NAALADL2: variants seen among roughly 807,000 people sequenced by gnomAD.
NAALADL2 encodes inactive N-acetylated-alpha-linked acidic dipeptidase-like protein 2.
Under a neutral mutation model 87.2 loss-of-function variants are expected in NAALADL2, and 76 were observed. The observed-to-expected ratio is 0.87, with a 90% CI of 0.72 to 1.05. NAALADL2 has a LOEUF of 1.05. NAALADL2 is among the 50% of genes least tolerant of loss of function. The probability of loss-of-function intolerance (pLI) is 0.00; values close to 1 mark genes in which losing one functional copy is unlikely to be tolerated. For missense variants in NAALADL2, 1,089 were observed against 945.8 expected, an observed-to-expected ratio of 1.15 and a Z score of -1.99; for synonymous variants, 354 against 331.0, an observed-to-expected ratio of 1.07 and a Z score of -0.75.
chr3:175,732,041 G>A (rs1266187252), intron 11 of NAALADL2, among the ~76,000 whole-genome samples: 4 of 152,068 alleles, frequency 2.6e-5, no homozygotes, highest in Admixed American at 2.0e-4. Flanking sequence ...GATGAAGTGA[G>A]GTGGAATTGA....
At chr3:175,310,133 A>G (rs1758179102) in intron 4 of NAALADL2, among the ~76,000 whole-genome samples, 1 of 152,204 alleles carries the variant, frequency 6.6e-6, no homozygotes. Context: ...ACCTTTAATG[A>G]TAATACTCAT....
chr3:174,810,432 G>A (rs551529856), intron 3 of NAALADL2, among the ~76,000 whole-genome samples: 1 of 152,048 alleles, frequency 6.6e-6, no homozygotes, highest in Non-Finnish European at 1.5e-5. Context: ...GGTCACTTCT[G>A]TTACACATTG....
intron 1 of NAALADL2, among the ~76,000 whole-genome samples, chr3:174,487,370 C>G (rs899091984): frequency 1.3e-4 from 19 of 151,818 alleles, no homozygotes; most frequent in African/African-American, 4.1e-4. Context: ...TTATTAATGC[C>G]CATTATTTCA....
At chr3:175,575,927 G>A (rs62285572) in intron 9 of NAALADL2, 114 bp from the exon 10 acceptor site, 117,418 of 839,866 alleles carry the variant, frequency 0.14, 9,239 homozygotes, top group Middle Eastern at 0.17. Flanking sequence ...ATTTTTAACA[G>A]TCTCCAGGGA....
At chr3:175,288,467 A>G (rs530544936) in intron 4 of NAALADL2, among the ~76,000 whole-genome samples, 31 of 152,316 alleles carry the variant, frequency 2.0e-4, no homozygotes, top group Non-Finnish European at 1.5e-4. Context: ...ATCCATCATA[A>G]CACCTCAAAT....
At chr3:175,562,275 G>A (rs1716394860) in intron 9 of NAALADL2, among the ~76,000 whole-genome samples, 1 of 152,092 alleles carries the variant, frequency 6.6e-6, no homozygotes, top group African/African-American at 2.4e-5. Context: ...AGCAATGATA[G>A]CTTTAAAACT....
intron 2 of NAALADL2, among the ~76,000 whole-genome samples, chr3:174,668,528 G>A (rs1485673737): frequency 1.3e-5 from 2 of 152,110 alleles, no homozygotes; most frequent in East Asian, 3.9e-4. Flanking sequence ...CCAGTAACTC[G>A]TCATTTAACA....
At chr3:174,633,637 G>A (rs1164668029) in intron 2 of NAALADL2, among the ~76,000 whole-genome samples, 1 of 152,184 alleles carries the variant, frequency 6.6e-6, no homozygotes, top group Non-Finnish European at 1.5e-5. Context: ...CAAGGTAATA[G>A]ACTCCTTCCT....
intron 2 of NAALADL2, among the ~76,000 whole-genome samples, chr3:175,184,222 G>T (rs1034576258): frequency 2.0e-5 from 3 of 151,990 alleles, no homozygotes; most frequent in Admixed American, 2.0e-4. Flanking sequence ...GTTTGCATGA[G>T]AATTACTTTA....
intron 11 of NAALADL2, among the ~76,000 whole-genome samples, chr3:175,653,918 C>A (rs1014612414): frequency 1.3e-5 from 2 of 152,194 alleles, no homozygotes; most frequent in African/African-American, 4.8e-5. Context: ...GGTGACCAGA[C>A]ACATTGTACA....
chr3:175,177,130 A>C (rs1735802990), intron 2 of NAALADL2, among the ~76,000 whole-genome samples: 1 of 152,002 alleles, frequency 6.6e-6, no homozygotes, highest in Admixed American at 6.6e-5. Flanking sequence ...CCCTAGCACA[A>C]GCATCTTATC....
rs112306223 is a variant in NAALADL2, at chr3:175,319,472, T to C, written c.940-4703T>C. On this transcript the variant is annotated intron_variant, in intron 4 of 13. Transcript: ENST00000454872. Reference sequence around the variant, plus strand: ...TCATGCTATATATGCAATTGTGTTTTATTTTTCCTAATAGGAGGGCTTCCC... The same window carrying C: ...TCATGCTATATATGCAATTGTGTTTCATTTTTCCTAATAGGAGGGCTTCCC... 5.0e-3 allele frequency among the ~76,000 whole-genome samples: 762 copies of C among 152,350 alleles called. 2 individuals carry two copies. Among genetic ancestry groups the C allele is most frequent in the Non-Finnish European group, 7.3e-3 (499 of 68,038 alleles).
At chr3:175,105,621 A>G (rs1722986579) in intron 2 of NAALADL2, among the ~76,000 whole-genome samples, 1 of 147,420 alleles carries the variant, frequency 6.8e-6, no homozygotes, top group South Asian at 2.1e-4. Context: ...AAATTAAGCA[A>G]GATATTTGAG....
At chr3:174,888,668 C>T (rs1484133991) in intron 1 of NAALADL2, among the ~76,000 whole-genome samples, 3 of 152,188 alleles carry the variant, frequency 2.0e-5, no homozygotes, top group Admixed American at 2.0e-4. Flanking sequence ...AGCTTATCAA[C>T]CTTGCGCTCT....
intron 13 of NAALADL2, among the ~76,000 whole-genome samples, chr3:175,760,201 G>A (rs1206251957): frequency 6.6e-6 from 1 of 152,076 alleles, no homozygotes; most frequent in African/African-American, 2.4e-5. Flanking sequence ...GGTTTAGGTG[G>A]GAAAACAGGA....
chr3:175,229,665 C>T (rs1286174130), intron 2 of NAALADL2, among the ~76,000 whole-genome samples: 1 of 150,906 alleles, frequency 6.6e-6, no homozygotes, highest in Non-Finnish European at 1.5e-5. Context: ...CCAAAGACCC[C>T]AACACTTAAT....
intron 5 of NAALADL2, among the ~76,000 whole-genome samples, chr3:175,371,596 G>T (rs868823861): frequency 6.6e-6 from 1 of 151,994 alleles, no homozygotes; most frequent in Non-Finnish European, 1.5e-5. Flanking sequence ...AGGCCAAGGC[G>T]GGTGGATCAC....
chr3:174,696,063 A>T (rs483941), intron 2 of NAALADL2, among the ~76,000 whole-genome samples: 51,420 of 151,860 alleles, frequency 0.34, 10,029 homozygotes, highest in Non-Finnish European at 0.43. Context: ...GTTTAACCCA[A>T]TCCCGATAAT....
At chr3:175,213,164 A>G (rs1277421996) in intron 2 of NAALADL2, among the ~76,000 whole-genome samples, 1 of 152,206 alleles carries the variant, frequency 6.6e-6, no homozygotes. Context: ...GAGGCTAAAT[A>G]ACTTGTCCAA....
Sources: gnomAD v4.1 joint callset for allele counts (sites outside exome capture counted in the v4.1 genomes callset) on GRCh38, gnomAD v4.1.1 for gene constraint, MANE v1.5 for transcripts, NCBI Gene and HGNC (gene_info 2026-07-23, HGNC 2026-07-21) for gene names.